Variants in ABCB7 observed in about 807,000 individuals in gnomAD.
ABCB7 encodes iron-sulfur clusters transporter ABCB7, mitochondrial.
Under a neutral mutation model 54.4 loss-of-function variants are expected in ABCB7, and 7 were observed. That is an observed-to-expected ratio of 0.13 (90% CI 0.07 to 0.24). ABCB7 has a LOEUF of 0.24. ABCB7 is among the 10% of genes least tolerant of loss of function. The probability of loss-of-function intolerance (pLI) is 1.00; values close to 1 mark genes in which losing one functional copy is unlikely to be tolerated. For missense variants in ABCB7, 356 were observed against 570.4 expected (o/e 0.62, Z 3.83); for synonymous variants, 218 against 207.1 (o/e 1.05, Z -0.45).
chrX:75,092,927 G>A (rs1051662845), intron 4 of ABCB7, among the ~76,000 whole-genome samples: 5 of 111,980 alleles, frequency 4.5e-5, no homozygotes, highest in Non-Finnish European at 7.5e-5. Context: ...TGCTAGTGAG[G>A]ATGTGGAGCA....
intron 3 of ABCB7, among the ~76,000 whole-genome samples, chrX:75,102,604 G>A (rs138924209): frequency 1.5e-3 from 167 of 111,717 alleles, no homozygotes; most frequent in Middle Eastern, 4.7e-3. Flanking sequence ...GAAACGTACT[G>A]CAATCAACAT....
intron 12 of ABCB7, among the ~76,000 whole-genome samples, chrX:75,067,842 A>G (rs1487892368): frequency 9.0e-6 from 1 of 111,074 alleles, no homozygotes; most frequent in African/African-American, 3.3e-5. Flanking sequence ...ATAACCTAGG[A>G]GGCATTTTCA....
chrX:75,111,150 A>G (rs2081756924), intron 3 of ABCB7, among the ~76,000 whole-genome samples: 1 of 111,847 alleles, frequency 8.9e-6, no homozygotes, highest in Non-Finnish European at 1.9e-5. Context: ...ATAAGGTAAA[A>G]TCTATTATTT....
intron 1 of ABCB7, among the ~76,000 whole-genome samples, chrX:75,115,315 T>G (rs1320079885): frequency 4.1e-5 from 4 of 98,067 alleles, no homozygotes; most frequent in African/African-American, 1.5e-4. Flanking sequence ...AAAATAAAAT[T>G]TGTGGTCCGG....
At chrX:75,068,469 C>T (rs1007712479) in intron 12 of ABCB7, among the ~76,000 whole-genome samples, 5 of 111,610 alleles carry the variant, frequency 4.5e-5, no homozygotes, top group East Asian at 2.8e-4. Context: ...AACATGGGTT[C>T]GGCACTGTGT....
intron 4 of ABCB7, among the ~76,000 whole-genome samples, chrX:75,087,289 G>T (rs2081505706): frequency 9.0e-6 from 1 of 111,601 alleles, no homozygotes; most frequent in Admixed American, 9.5e-5. Flanking sequence ...CTGCATTAAG[G>T]GTACTCAGAC....
At chrX:75,057,901 C>T (rs1001865015) in intron 15 of ABCB7, among the ~76,000 whole-genome samples, 8 of 110,584 alleles carry the variant, frequency 7.2e-5, no homozygotes, top group Non-Finnish European at 1.5e-4. Flanking sequence ...ACAAGAGGGT[C>T]TGTGGTCCTA....
chrX:75,154,519 A>G (rs1480652271), intron 1 of ABCB7, among the ~76,000 whole-genome samples: 3 of 112,336 alleles, frequency 2.7e-5, no homozygotes, highest in African/African-American at 9.7e-5. Flanking sequence ...GAAATCATCT[A>G]GATTCGCTTC....
In ABCB7 at chrX:75,086,848, C is replaced by T. The variant is rs779807556; in HGVS notation, c.454-10194G>A. On this transcript the variant is annotated intron_variant, in intron 4 of 15. Coordinates refer to ENST00000373394, the MANE Select transcript of ABCB7 (RefSeq NM_001271696.3). ...AGAAACCAGCCAAAACCAGCTAGATCCAAGATGGTGACGAAAACAACCTCT... is the reference window on the plus strand; with the variant it reads ...AGAAACCAGCCAAAACCAGCTAGATTCAAGATGGTGACGAAAACAACCTCT... Among the ~76,000 whole-genome samples, 3 of 111,649 alleles carry T rather than the reference C, an allele frequency of 2.7e-5. No individual in the cohort carries two copies. The Admixed American group carries it at 2.8e-4, about 11-fold the overall frequency.
intron 1 of ABCB7, among the ~76,000 whole-genome samples, chrX:75,153,416 T>C (rs1349190633): frequency 9.0e-6 from 1 of 111,142 alleles, no homozygotes; most frequent in Non-Finnish European, 1.9e-5. Context: ...CTCTAAAATA[T>C]AGAATAGGAG....
chrX:75,087,134 T>A (rs1409400918), intron 4 of ABCB7, among the ~76,000 whole-genome samples: 1 of 111,923 alleles, frequency 8.9e-6, no homozygotes, highest in Non-Finnish European at 1.9e-5. Flanking sequence ...GGGCTGCTGC[T>A]ACTACTCTGT....
Position 75,111,901 on chromosome X carries a change from C to T in ABCB7, c.333+985G>A, listed in dbSNP as rs146873499. Among the ~76,000 whole-genome samples the T allele has an allele frequency of 6.4e-4, 71 of 111,796 alleles. No homozygotes were observed. In the East Asian group the frequency reaches 0.017, roughly 27 times the overall value. On this transcript the variant is annotated intron_variant, in intron 3 of 15. Transcript: ENST00000373394. ...GGTGACAGATGATCCTGAAAACTGG[C>T]AAATATCATACCAAAGACTAATGCA...
chrX:75,121,472 G>A (rs1478079465), intron 1 of ABCB7, among the ~76,000 whole-genome samples: 1 of 111,587 alleles, frequency 9.0e-6, no homozygotes, highest in Admixed American at 9.5e-5. Flanking sequence ...TTATATTCTA[G>A]TCTCAACAGT....
chrX:75,092,396 C>T (rs1417530559), intron 4 of ABCB7, among the ~76,000 whole-genome samples: 2 of 111,155 alleles, frequency 1.8e-5, no homozygotes, highest in Non-Finnish European at 3.8e-5. Flanking sequence ...GGAATCCAAA[C>T]ACAGACCTTA....
At position 75,069,331 on chromosome X, in the gene ABCB7, C is replaced by G. The variant is rs1286767187; in HGVS notation, c.1489G>C (p.Ala497Pro). The G allele has an allele frequency of 8.3e-7, 1 of 1,209,381 alleles. No homozygotes were observed. The highest frequency in any genetic ancestry group is 1.8e-5 in the African/African-American group (1 of 56,946). Residue 497 changes from alanine (A) to proline (P), a missense_variant, in exon 11 of 16, where the codon GCA (alanine) becomes CCA (proline). Physicochemically the swap from Ala to Pro is conservative, Grantham distance 27. This residue lies in a region of ABCB7 where 241 missense variants were observed against 470.9 expected (regional missense o/e 0.51). Transcript: ENST00000373394. Reference sequence around the variant, plus strand: ...CCTACAATGGCCACTTTCTTTCCTGCAGGGACTTCAAAGGATATTCCACTA... The same window carrying G: ...CCTACAATGGCCACTTTCTTTCCTGGAGGGACTTCAAAGGATATTCCACTA... Reference protein sequence around the residue: ...VLSGISFEVPAGKKVAIVGGS... With the variant: ...VLSGISFEVPPGKKVAIVGGS...
Position 75,065,170 on chromosome X carries a change from T to C in ABCB7, c.1731A>G (p.Glu577=), listed in dbSNP as rs372447598. Reference sequence around the variant, plus strand: ...CAGCTAATTTTGCCACTGCATACACTTCCTCAGGTGAAGCACTGATGTTTC... The same window carrying C: ...CAGCTAATTTTGCCACTGCATACACCTCCTCAGGTGAAGCACTGATGTTTC... The part of the protein sequence containing the change: ...LYGNISASPE[E]VYAVAKLAGL... Residue 577 remains glutamate, a synonymous_variant, in exon 13 of 16, where the codon GAA becomes GAG. Coordinates refer to ENST00000373394, the MANE Select transcript of ABCB7 (RefSeq NM_001271696.3). 4.6e-5 allele frequency: 55 copies of C among 1,207,559 alleles called. No individual in the cohort carries two copies. The highest frequency in any genetic ancestry group is 5.9e-5 in the Non-Finnish European group (53 of 893,331).
chrX:75,147,256 T>C (rs966274698), intron 1 of ABCB7, among the ~76,000 whole-genome samples: 2 of 111,655 alleles, frequency 1.8e-5, no homozygotes, highest in Non-Finnish European at 1.9e-5. Flanking sequence ...TGGAGAGCAG[T>C]GTGGCAATTC....
At chrX:75,068,985 GT>G (rs772041861) in intron 12 of ABCB7, 21 bp downstream of exon 12, 4 of 1,205,163 alleles carry the variant, frequency 3.3e-6, no homozygotes, top group Middle Eastern at 4.6e-4. Context: ...CCAAAAATTT[GT>G]TTTTTTCTGT....
intron 12 of ABCB7, among the ~76,000 whole-genome samples, chrX:75,067,689 T>G (rs910445340): frequency 9.0e-6 from 1 of 110,708 alleles, no homozygotes; most frequent in Non-Finnish European, 1.9e-5. Flanking sequence ...TTCATCATGC[T>G]GGCCAGGCTG....
Sources: gnomAD v4.1 joint callset for allele counts (sites outside exome capture counted in the v4.1 genomes callset) on GRCh38, gnomAD v4.1.1 for gene constraint, gnomAD v4.1.1 regional missense constraint, MANE v1.5 for transcripts, NCBI Gene and HGNC (gene_info 2026-07-23, HGNC 2026-07-21) for gene names.